TENM4: variants seen among roughly 807,000 people sequenced by gnomAD.
TENM4 encodes the protein teneurin transmembrane protein 4.
Under a neutral mutation model 243.3 loss-of-function variants are expected in TENM4, and 82 were observed. The observed-to-expected ratio is 0.34, with a 90% CI of 0.28 to 0.40. The LOEUF is 0.40. TENM4 is among the 10% of genes least tolerant of loss of function. The probability of loss-of-function intolerance (pLI) is 1.00; values close to 1 mark genes in which losing one functional copy is unlikely to be tolerated. For synonymous variants in TENM4, 1,412 were observed against 1,456.3 expected (o/e 0.97, Z 0.69); for missense variants, 3,138 against 3,673.3 (o/e 0.85, Z 3.77).
chr11:79,080,282 G>A (rs990955319), intron 4 of TENM4, among the ~76,000 whole-genome samples: 3 of 152,330 alleles, frequency 2.0e-5, no homozygotes, highest in South Asian at 4.1e-4. Flanking sequence ...GGGTTGGAGC[G>A]GATGCAGTCT....
intron 29 of TENM4, among the ~76,000 whole-genome samples, chr11:78,687,393 G>A (rs776029535): frequency 7.2e-5 from 11 of 152,168 alleles, no homozygotes; most frequent in Non-Finnish European, 1.5e-4. Context: ...GCCATCCAGC[G>A]GGCAGGAAAG....
At chr11:79,236,070 T>C (rs984337247) in intron 2 of TENM4, among the ~76,000 whole-genome samples, 3 of 152,206 alleles carry the variant, frequency 2.0e-5, no homozygotes, top group Non-Finnish European at 4.4e-5. Flanking sequence ...GGAAGGATAC[T>C]CAGGGTTCAC....
At chr11:78,810,511 C>T (rs868155717) in intron 14 of TENM4, among the ~76,000 whole-genome samples, 17 of 152,148 alleles carry the variant, frequency 1.1e-4, no homozygotes, top group Middle Eastern at 3.4e-3. Context: ...TCAAGTGACT[C>T]GAATAAAAAG....
chr11:78,974,807 C>A (rs1241768120), intron 6 of TENM4, among the ~76,000 whole-genome samples: 1 of 151,404 alleles, frequency 6.6e-6, no homozygotes, highest in Non-Finnish European at 1.5e-5. Context: ...GTGCCTCAGC[C>A]ACCCAAGTAG....
chr11:78,892,347 T>G (rs973196380), intron 7 of TENM4, among the ~76,000 whole-genome samples: 1 of 152,192 alleles, frequency 6.6e-6, no homozygotes, highest in Non-Finnish European at 1.5e-5. Flanking sequence ...TTCAGCCTGT[T>G]GCATGCACCC....
intron 6 of TENM4, among the ~76,000 whole-genome samples, chr11:78,924,218 A>C (rs953213696): frequency 6.6e-6 from 1 of 152,216 alleles, no homozygotes; most frequent in Non-Finnish European, 1.5e-5. Context: ...GTGAACAAGC[A>C]CATGGTCCAC....
chr11:79,116,014 A>T (rs887188279), intron 4 of TENM4, among the ~76,000 whole-genome samples: 16 of 152,326 alleles, frequency 1.1e-4, no homozygotes, highest in Middle Eastern at 6.8e-3. Flanking sequence ...TCAGAAACCC[A>T]AATTTATCAG....
intron 4 of TENM4, among the ~76,000 whole-genome samples, chr11:79,144,823 T>C: frequency 6.6e-6 from 1 of 151,440 alleles, no homozygotes. Context: ...GGCTAATGGG[T>C]ACAAAAAATA....
chr11:79,383,000 T>C (rs1858036271), intron 1 of TENM4, among the ~76,000 whole-genome samples: 1 of 152,126 alleles, frequency 6.6e-6, no homozygotes, highest in Non-Finnish European at 1.5e-5. Context: ...CCTCTGCCCC[T>C]ACAGACCCTT....
chr11:79,234,335 G>A (rs895269234), intron 2 of TENM4, among the ~76,000 whole-genome samples: 9 of 152,160 alleles, frequency 5.9e-5, no homozygotes, highest in East Asian at 5.8e-4. Flanking sequence ...AAAAGCGAAG[G>A]GAAGGTTTGG....
intron 3 of TENM4, among the ~76,000 whole-genome samples, chr11:79,165,822 G>A (rs1037656672): frequency 3.9e-5 from 6 of 152,188 alleles, no homozygotes; most frequent in African/African-American, 9.7e-5. Flanking sequence ...TGTATAAGGT[G>A]AGAGATGAGG....
At chr11:79,428,542 G>C (rs1417139109) in intron 1 of TENM4, among the ~76,000 whole-genome samples, 1 of 152,198 alleles carries the variant, frequency 6.6e-6, no homozygotes, top group East Asian at 1.9e-4. Context: ...GTGCATGAAT[G>C]GTTAATGGGG....
rs115180096 is a variant in TENM4, at chr11:78,774,153, T to C, written c.2393-3015A>G. Among the ~76,000 whole-genome samples the C allele has an allele frequency of 3.9e-3, 594 of 152,338 alleles. 3 individuals are homozygous for C. The highest frequency in any genetic ancestry group is 0.013 in the African/African-American group (561 of 41,582). ...GAGTATGTGAGAGTATTAAATGAGATAATATATATCAATTATTTATCACAG... is the reference window on the plus strand; with the variant it reads ...GAGTATGTGAGAGTATTAAATGAGACAATATATATCAATTATTTATCACAG... On this transcript the variant is annotated intron_variant, in intron 17 of 33. Coordinates refer to ENST00000278550, the MANE Select transcript of TENM4 (RefSeq NM_001098816.3).
In TENM4 at chr11:78,669,212, T is replaced by C. The variant is rs1477008236; in HGVS notation, c.7133A>G (p.Lys2378Arg). 1.9e-6 allele frequency: 3 copies of C among 1,613,834 alleles called. No homozygotes were observed. Among genetic ancestry groups the C allele is most frequent in the South Asian group, 1.1e-5 (1 of 91,080 alleles). The change falls in exon 32 of 34, where the codon AAG becomes AGG. Residue 2378 changes from lysine (K) to arginine (R), a missense_variant. Physicochemically the swap from Lys to Arg is conservative, Grantham distance 26 (BLOSUM62 2). Around this residue, in one of 2 missense-constraint regions of TENM4, gnomAD observed 2,467 missense variants for 3,059.1 expected, o/e 0.81. Coordinates refer to ENST00000278550, the MANE Select transcript of TENM4 (RefSeq NM_001098816.3). This position sits in a 1 kb window ranked among gnomAD's most constrained non-coding sequence, Gnocchi z 6.4. ...CCCATAGGCTGTGTACAGGATTTGCTTGATCATCAAACCTGTTCCACTAAA... is the reference window on the plus strand; with the variant it reads ...CCCATAGGCTGTGTACAGGATTTGCCTGATCATCAAACCTGTTCCACTAAA... ...AVFSGTGLMI[K>R]QILYTAYGEI...
chr11:78,824,937 C>T (rs1439859287), intron 12 of TENM4, among the ~76,000 whole-genome samples: 1 of 152,188 alleles, frequency 6.6e-6, no homozygotes, highest in Non-Finnish European at 1.5e-5. Flanking sequence ...CAGTACATTC[C>T]AACTGGTATC....
chr11:79,080,388 C>G (rs1158279835), intron 4 of TENM4, among the ~76,000 whole-genome samples: 4 of 152,230 alleles, frequency 2.6e-5, no homozygotes, highest in Non-Finnish European at 5.9e-5. Flanking sequence ...ACACAGACAC[C>G]CGGGGTAGGG....
chr11:79,057,215 C>A (rs1344325136), intron 6 of TENM4, among the ~76,000 whole-genome samples: 1 of 152,176 alleles, frequency 6.6e-6, no homozygotes. Flanking sequence ...AGTCAGACCT[C>A]ATCACTTCTC....
chr11:79,157,851 A>G (rs1862655923), intron 3 of TENM4, among the ~76,000 whole-genome samples: 1 of 152,150 alleles, frequency 6.6e-6, no homozygotes, highest in Non-Finnish European at 1.5e-5. Context: ...TATTTTTACC[A>G]TTGTATCTAC....
At chr11:78,702,511 TCTTG>T in intron 27 of TENM4, 108 bp from the exon 28 acceptor site, 2 of 1,299,708 alleles carry the variant, frequency 1.5e-6, no homozygotes, top group Admixed American at 2.2e-5. Flanking sequence ...TCATATACAG[TCTTG>T]CTTGATCCTC....
Sources: gnomAD v4.1 joint callset for allele counts (sites outside exome capture counted in the v4.1 genomes callset) on GRCh38, gnomAD v4.1.1 for gene constraint, gnomAD v4.1.1 regional missense constraint, Gnocchi (gnomAD v3.1) non-coding constraint, MANE v1.5 for transcripts, NCBI Gene and HGNC (gene_info 2026-07-23, HGNC 2026-07-21) for gene names.